DNAH10: variants seen among roughly 807,000 people sequenced by gnomAD.
DNAH10 encodes the protein axonemal beta dynein heavy chain 10.
Under a neutral mutation model 506.6 loss-of-function variants are expected in DNAH10, and 348 were observed. The observed-to-expected ratio is 0.69, with a 90% CI of 0.63 to 0.75. The LOEUF (loss-of-function observed/expected upper bound fraction) is 0.75, where lower values mean the gene tolerates loss of function less well. Among genes scored for constraint, DNAH10 ranks in the 30% least tolerant of loss-of-function variants. The pLI, the probability that DNAH10 is intolerant of heterozygous loss-of-function variation, is 0.00. For missense variants in DNAH10, 5,179 were observed against 5,787.1 expected (o/e 0.89, Z 3.41); for synonymous variants, 2,059 against 2,198.6 (o/e 0.94, Z 1.78).
chr12:123,804,870 G>A lies in DNAH10; in HGVS notation c.2817G>A (p.Arg939=). 1 of 1,612,782 alleles carries A rather than the reference G, an allele frequency of 6.2e-7. No individual in the cohort carries two copies. The highest frequency in any genetic ancestry group is 1.1e-5 in the South Asian group (1 of 91,022). ...TTTTTGAACACATTGAGCGAGAAAGGGCCAGCGACGTGGACCACATGGTCC... is the reference window on the plus strand; with the variant it reads ...TTTTTGAACACATTGAGCGAGAAAGAGCCAGCGACGTGGACCACATGGTCC... The part of the protein sequence containing the change: ...KEFFEHIERE[R]ASDVDHMVRW... Residue 939 remains arginine, a synonymous_variant, in exon 18 of 79, where the codon AGG becomes AGA. Transcript: ENST00000673944.
intron 53 of DNAH10, among the ~76,000 whole-genome samples, chr12:123,893,721 C>A (rs1231016695): frequency 6.6e-6 from 1 of 152,230 alleles, no homozygotes; most frequent in Non-Finnish European, 1.5e-5. Context: ...GAAAATTCCA[C>A]CAGCCTCATG....
At chr12:123,818,134 A>C (rs993936491) in intron 21 of DNAH10, among the ~76,000 whole-genome samples, 6 of 151,938 alleles carry the variant, frequency 3.9e-5, no homozygotes, top group Non-Finnish European at 8.8e-5. Context: ...TTTAGTAGAT[A>C]CAGCATTTCT....
chr12:123,793,416 A>G (rs1358302057), intron 11 of DNAH10, among the ~76,000 whole-genome samples: 2 of 147,868 alleles, frequency 1.4e-5, no homozygotes, highest in Non-Finnish European at 3.0e-5. Context: ...TCGGCTCACT[A>G]CAGTCTCCAC....
chr12:123,868,012 C>T lies in DNAH10; in HGVS notation c.7412C>T (p.Ser2471Phe). The T allele has an allele frequency of 6.2e-7, 1 of 1,613,868 alleles. No homozygotes were observed. Residue 2471 changes from serine (S) to phenylalanine (F), a missense_variant, in exon 43 of 79, where the codon TCC (serine) becomes TTC (phenylalanine). Physicochemically the swap from Ser to Phe is radical, Grantham distance 155. Transcript: ENST00000673944. ...GCTTTGTACTGCTCTCTGGGAGCCT[C>T]CCTGCTTGAGGATGGAAGGATGAAA... is the stretch of plus-strand genomic sequence containing the variant. ...LEALYCSLGA[S>F]LLEDGRMKFD...
Position 123,779,659 on chromosome 12 carries a change from A to G in DNAH10, c.622-1421A>G, listed in dbSNP as rs142024851. On this transcript the variant is annotated intron_variant, in intron 5 of 78. Transcript: ENST00000673944. The stretch of plus-strand genomic sequence containing the variant: ...AACCAAGAATTTGATTCCTGATGGA[A>G]GATACACCCTGGTCAAGTCTCTGGT... 4.6e-5 allele frequency among the ~76,000 whole-genome samples: 7 copies of G among 152,184 alleles called. No individual in the cohort carries two copies. In the East Asian group the frequency reaches 7.7e-4, roughly 17 times the overall value.
At position 123,871,319 on chromosome 12, in the gene DNAH10, A is replaced by G. The variant is rs559006417; in HGVS notation, c.7640-138A>G. ...AATCAGTTATACACTTCAATGGGTG[A>G]ATGTTTCTGAGGTCATGTCTTGGCC... On this transcript the variant is annotated intron_variant, in intron 44 of 78. Transcript: ENST00000673944. The G allele has an allele frequency of 2.6e-5, 26 of 983,772 alleles. No individual in the cohort carries two copies. The Middle Eastern group carries it at 6.7e-4, about 25-fold the overall frequency. The allele number at this position is 983,772 out of a possible 1,614,324, so 60.9% of individuals were successfully genotyped here. A position where few individuals can be genotyped will look rare whatever the true frequency, so the allele number is the denominator to read the frequency against.
At chr12:123,908,296 C>G (rs79810037) in intron 57 of DNAH10, 41,172 of 454,484 alleles carry the variant, frequency 0.091, 2,182 homozygotes, top group Middle Eastern at 0.13. Flanking sequence ...GTGTCTCCCC[C>G]TCTGTCCCTC....
Position 123,913,446 on chromosome 12 carries a change from C to T in DNAH10, c.10352+131C>T. Reference sequence around the variant, plus strand: ...AACCATGTGACCAGGTCTTATGTTCCTATTATCATGTTTATGGCAGCTAAT... The same window carrying T: ...AACCATGTGACCAGGTCTTATGTTCTTATTATCATGTTTATGGCAGCTAAT... On this transcript the variant is annotated intron_variant, in intron 60 of 78. Coordinates refer to ENST00000673944, the MANE Select transcript of DNAH10 (RefSeq NM_001372106.1). This position sits in a 1 kb window ranked among gnomAD's most constrained non-coding sequence, Gnocchi z 5.1. The T allele has an allele frequency of 1.0e-6, 1 of 974,974 alleles. No homozygotes were observed. The highest frequency in any genetic ancestry group is 1.5e-6 in the Non-Finnish European group (1 of 679,584). 60.4% of individuals were successfully genotyped at this position (974,974 alleles called of 1,614,324 possible). A position where few individuals can be genotyped will look rare whatever the true frequency, so the allele number is the denominator to read the frequency against.
At chr12:123,784,364 T>C (rs1200512867) in intron 8 of DNAH10, among the ~76,000 whole-genome samples, 187 bp downstream of exon 8, 1 of 152,098 alleles carries the variant, frequency 6.6e-6, no homozygotes, top group Non-Finnish European at 1.5e-5. Context: ...CTGGCCAACA[T>C]GGTAAAACCC....
At chr12:123,817,241 A>C (rs1398645039) in intron 21 of DNAH10, among the ~76,000 whole-genome samples, 1 of 150,696 alleles carries the variant, frequency 6.6e-6, no homozygotes, top group African/African-American at 2.4e-5. Context: ...TTTGTAGTAC[A>C]TTCAAAATCT....
intron 21 of DNAH10, chr12:123,814,288 G>C (rs1008826972): frequency 6.3e-6 from 1 of 158,010 alleles, no homozygotes; most frequent in Non-Finnish European, 1.4e-5. Flanking sequence ...GCTTTGTTTA[G>C]GGTTGTTAAA....
At chr12:123,851,176 C>T in intron 35 of DNAH10, 100 bp downstream of exon 35, 1 of 1,291,696 alleles carries the variant, frequency 7.7e-7, no homozygotes, top group Non-Finnish European at 1.0e-6. Context: ...GTGGCTCTTC[C>T]AGACGGGACC....
chr12:123,822,320 A>G (rs1959496982), intron 24 of DNAH10, among the ~76,000 whole-genome samples: 3 of 152,200 alleles, frequency 2.0e-5, no homozygotes, highest in Non-Finnish European at 1.5e-5. Flanking sequence ...TTAGTTCTTT[A>G]TAGCTCAGTG....
At chr12:123,831,313 T>C (rs1324165358) in intron 26 of DNAH10, among the ~76,000 whole-genome samples, 1 of 151,408 alleles carries the variant, frequency 6.6e-6, no homozygotes, top group East Asian at 1.9e-4. Flanking sequence ...CATACACCCA[T>C]GCATTTGTAT....
In DNAH10 at chr12:123,879,615, A is replaced by G; in HGVS notation, c.8467-19A>G. ...TACTGTTGTTGAGTTTGGGTCCTTAAGTGGGCTTCTGTTTCAAGGTACAAC... is the reference window on the plus strand; with the variant it reads ...TACTGTTGTTGAGTTTGGGTCCTTAGGTGGGCTTCTGTTTCAAGGTACAAC... On this transcript the variant is annotated intron_variant, in intron 49 of 78. Coordinates refer to ENST00000673944, the MANE Select transcript of DNAH10 (RefSeq NM_001372106.1). 6.2e-7 allele frequency: 1 copy of G among 1,613,630 alleles called. No homozygotes were observed. Among genetic ancestry groups the G allele is most frequent in the Non-Finnish European group, 8.5e-7 (1 of 1,179,656 alleles).
intron 54 of DNAH10, among the ~76,000 whole-genome samples, chr12:123,896,148 CAGAGAGAGAGAGAGAGAG>C (rs71444923): frequency 6.3e-5 from 6 of 95,320 alleles, no homozygotes; most frequent in African/African-American, 1.5e-4. Context: ...CACACACACA[CAGAGAGAGAGAGAGAGAG>C]AGAGAGAGAG....
chr12:123,796,629 T>C, intron 12 of DNAH10, 27 bp from the exon 13 acceptor site: 1 of 1,577,386 alleles, frequency 6.3e-7, no homozygotes, highest in Non-Finnish European at 8.6e-7. Context: ...GTTTATCACT[T>C]ACAGAAGCTG....
At chr12:123,766,937 A>T (rs1219378591) in intron 1 of DNAH10, among the ~76,000 whole-genome samples, 1 of 138,084 alleles carries the variant, frequency 7.2e-6, no homozygotes, top group African/African-American at 2.7e-5. Context: ...ACAGAGCCTC[A>T]CTTTGTCTCC....
At position 123,857,247 on chromosome 12, in the gene DNAH10, G is replaced by C. The variant is rs1052505675; in HGVS notation, c.6630G>C (p.Gln2210His). Residue 2210 changes from glutamine to histidine, a missense_variant and splice_region_variant, in exon 37 of 79, where the codon CAG (glutamine) becomes CAC (histidine). Gln to His is a conservative substitution (Grantham distance 24). Coordinates refer to ENST00000673944, the MANE Select transcript of DNAH10 (RefSeq NM_001372106.1). ...EENGYAVLPI[Q>H]VDKVVQMFET... ...ACGGCTACGCGGTCCTACCCATCCAGGTAAAGCCAGGAAAATGACCTCACT... is the reference window on the plus strand; with the variant it reads ...ACGGCTACGCGGTCCTACCCATCCACGTAAAGCCAGGAAAATGACCTCACT... 2.6e-6 allele frequency: 4 copies of C among 1,541,404 alleles called. No homozygotes were observed. The highest frequency in any genetic ancestry group is 3.5e-6 in the Non-Finnish European group (4 of 1,138,638).
Sources: allele counts gnomAD v4.1 joint callset (sites outside exome capture counted in the v4.1 genomes callset), GRCh38; gene constraint gnomAD v4.1.1; non-coding constraint Gnocchi (gnomAD v3.1); transcripts MANE v1.5; gene names NCBI Gene and HGNC (gene_info 2026-07-23, HGNC 2026-07-21).